Variants in CHD9 observed in about 807,000 individuals in gnomAD.
CHD9 encodes the protein ATP-dependent chromatin remodeler CHD9.
In CHD9, 77 loss-of-function variants were observed where a neutral mutation model predicts 316.1. The ratio of observed to expected loss-of-function variants is 0.24; its 90% CI spans 0.20 to 0.29. CHD9 has a LOEUF of 0.29. Ranked by LOEUF, CHD9 falls within the 10% of genes least tolerant of loss-of-function variation. The pLI, the probability that CHD9 is intolerant of heterozygous loss-of-function variation, is 1.00. For missense variants in CHD9, 2,763 were observed against 3,438.1 expected (o/e 0.80, Z 4.91); for synonymous variants, 1,129 against 1,158.3 (o/e 0.97, Z 0.51).
chr16:53,162,748 T>C (rs1053426567), intron 2 of CHD9, among the ~76,000 whole-genome samples: 4 of 151,942 alleles, frequency 2.6e-5, no homozygotes, highest in Admixed American at 6.6e-5. Context: ...AAAAAACTTG[T>C]AAAAGAAAGA....
intron 3 of CHD9, 96 bp from the exon 4 acceptor site, chr16:53,222,548 T>C (rs2047334356): frequency 1.6e-6 from 1 of 640,434 alleles, no homozygotes; most frequent in African/African-American, 1.8e-5. Context: ...GCAAGTGATA[T>C]AAAGTGGAAG....
At chr16:53,140,594 T>C (rs1367709170) in intron 1 of CHD9, among the ~76,000 whole-genome samples, 1 of 152,176 alleles carries the variant, frequency 6.6e-6, no homozygotes, top group African/African-American at 2.4e-5. Context: ...AGAGATGAGA[T>C]TGTATTTGTT....
chr16:53,100,279 A>G (rs183397169), intron 1 of CHD9, among the ~76,000 whole-genome samples: 32 of 152,292 alleles, frequency 2.1e-4, no homozygotes, highest in Middle Eastern at 6.8e-3. Flanking sequence ...TTCTTTGTGC[A>G]GTTGCTGCCT....
At chr16:53,221,492 A>G (rs1461429222) in intron 3 of CHD9, among the ~76,000 whole-genome samples, 1 of 152,200 alleles carries the variant, frequency 6.6e-6, no homozygotes, top group Non-Finnish European at 1.5e-5. Flanking sequence ...TTAAAATAGT[A>G]CGTTGCTGAT....
At chr16:53,206,723 A>G (rs1467873989) in intron 2 of CHD9, among the ~76,000 whole-genome samples, 1 of 152,074 alleles carries the variant, frequency 6.6e-6, no homozygotes, top group Non-Finnish European at 1.5e-5. Context: ...TTTAGCTCTT[A>G]TTGTCATAAT....
Position 53,273,716 on chromosome 16 carries a change from G to A in CHD9, c.4808G>A (p.Arg1603Gln), listed in dbSNP as rs772464235. 2.0e-5 allele frequency: 33 copies of A among 1,613,208 alleles called. No individual in the cohort carries two copies. The highest frequency in any genetic ancestry group is 6.6e-5 in the South Asian group (6 of 91,048). ...GATATACAAAAAGCAGAATGGCTTC[G>A]AAAATATAATCCCGAGCAGCTCCTT... Reference protein sequence around the residue: ...SFDIQKAEWLRKYNPEQLLQD... With the variant: ...SFDIQKAEWLQKYNPEQLLQD... Residue 1603 changes from arginine to glutamine, a missense_variant, in exon 23 of 39, where the codon CGA (arginine) becomes CAA (glutamine). Around this residue, in one of 15 missense-constraint regions of CHD9, gnomAD observed 99 missense variants for 131.6 expected, o/e 0.75. Coordinates refer to ENST00000447540, the MANE Select transcript of CHD9 (RefSeq NM_001308319.2).
At chr16:53,122,729 C>T (rs974089769) in intron 1 of CHD9, among the ~76,000 whole-genome samples, 1 of 151,842 alleles carries the variant, frequency 6.6e-6, no homozygotes, top group Non-Finnish European at 1.5e-5. Context: ...TTTTTTGAGA[C>T]GGAGTCTCGC....
intron 1 of CHD9, among the ~76,000 whole-genome samples, chr16:53,103,342 T>G (rs1006017677): frequency 2.0e-5 from 3 of 152,058 alleles, no homozygotes; most frequent in African/African-American, 7.2e-5. Context: ...TTAGCTTTTA[T>G]TTTTAGAACA....
At chr16:53,057,783 A>G (rs969695099) in intron 1 of CHD9, among the ~76,000 whole-genome samples, 2 of 152,224 alleles carry the variant, frequency 1.3e-5, no homozygotes, top group Admixed American at 6.5e-5. Flanking sequence ...CAACGTGCAC[A>G]TTTCCAGCCA....
At chr16:53,237,145 A>G (rs73599633) in intron 11 of CHD9, among the ~76,000 whole-genome samples, 4,917 of 152,172 alleles carry the variant, frequency 0.032, 100 homozygotes, top group Middle Eastern at 0.071. Flanking sequence ...TGTATTTTCC[A>G]TCTTGGTTAA....
intron 2 of CHD9, among the ~76,000 whole-genome samples, chr16:53,163,390 A>G (rs569752558): frequency 4.6e-5 from 7 of 152,038 alleles, no homozygotes; most frequent in Non-Finnish European, 8.8e-5. Context: ...TTGTATTTTT[A>G]GTAGAGACAA....
At chr16:53,063,951 A>T (rs1357418113) in intron 1 of CHD9, among the ~76,000 whole-genome samples, 1 of 150,100 alleles carries the variant, frequency 6.7e-6, no homozygotes, top group Non-Finnish European at 1.5e-5. Flanking sequence ...CTCCCACCTC[A>T]GCCTCCAGAG....
At position 53,231,770 on chromosome 16, in the gene CHD9, G is replaced by A. The variant is rs1343512359; in HGVS notation, c.2497G>A (p.Asp833Asn). The change falls in exon 10 of 39, where the codon GAC becomes AAC. Residue 833 changes from aspartate to asparagine, a missense_variant. Asp to Asn is a conservative substitution (Grantham distance 23, BLOSUM62 1). This residue lies in a region of CHD9 where 186 missense variants were observed against 245.0 expected (regional missense o/e 0.76). Coordinates refer to ENST00000447540, the MANE Select transcript of CHD9 (RefSeq NM_001308319.2). ...EFEQLQASRP[D>N]TRRLDRPPSN... ...TGAACAACTGCAAGCTTCAAGGCCT[G>A]ACACAAGACGTTTGGTAAGAACCTG... 1 of 1,599,494 alleles carries A rather than the reference G, an allele frequency of 6.3e-7. No homozygotes were observed. The highest frequency in any genetic ancestry group is 1.4e-5 in the African/African-American group (1 of 73,750).
chr16:53,197,482 T>A (rs1427422122), intron 2 of CHD9, among the ~76,000 whole-genome samples: 1 of 152,112 alleles, frequency 6.6e-6, no homozygotes, highest in Non-Finnish European at 1.5e-5. Flanking sequence ...TTTATATAAC[T>A]AGGAAAGTAT....
intron 2 of CHD9, among the ~76,000 whole-genome samples, chr16:53,186,357 T>G (rs1478852403): frequency 6.6e-6 from 1 of 152,204 alleles, no homozygotes; most frequent in East Asian, 1.9e-4. Context: ...GCCCCTTCGT[T>G]TTGGCCAATT....
Position 53,291,764 on chromosome 16 carries a change from G to A in CHD9, c.5287G>A (p.Gly1763Arg). 1.3e-6 allele frequency: 2 copies of A among 1,555,090 alleles called. No individual in the cohort carries two copies. Among genetic ancestry groups the A allele is most frequent in the Non-Finnish European group, 1.7e-6 (2 of 1,155,132 alleles). Residue 1763 changes from glycine (G) to arginine (R), a missense_variant, in exon 28 of 39, where the codon GGA (glycine) becomes AGA (arginine). Physicochemically the swap from Gly to Arg is moderately radical, Grantham distance 125 (BLOSUM62 -2). Coordinates refer to ENST00000447540, the MANE Select transcript of CHD9 (RefSeq NM_001308319.2). ...SSPGDLVIAD[G>R]DGQLMEGDKV... is the part of the protein sequence containing the mutation. Reference sequence around the variant, plus strand: ...ACCAGGAGATCTTGTTATAGCAGATGGAGGTAAATTGCACGTACTTCTGTA... The same window carrying A: ...ACCAGGAGATCTTGTTATAGCAGATAGAGGTAAATTGCACGTACTTCTGTA...
intron 2 of CHD9, among the ~76,000 whole-genome samples, chr16:53,177,260 C>T (rs1009368887): frequency 6.6e-6 from 1 of 152,100 alleles, no homozygotes; most frequent in African/African-American, 2.4e-5. Flanking sequence ...CTGGCCGACA[C>T]CTTAATATAT....
chr16:53,107,291 C>G (rs939969007), intron 1 of CHD9, among the ~76,000 whole-genome samples: 1 of 151,762 alleles, frequency 6.6e-6, no homozygotes, highest in South Asian at 2.1e-4. Flanking sequence ...GAAACCCCGT[C>G]TCTACTAAAA....
At chr16:53,239,836 C>A (rs1438179817) in intron 12 of CHD9, among the ~76,000 whole-genome samples, 3 of 152,094 alleles carry the variant, frequency 2.0e-5, no homozygotes, top group Non-Finnish European at 2.9e-5. Context: ...GGAAAAGAAT[C>A]AATCTATAAT....
Sources: allele counts gnomAD v4.1 joint callset (sites outside exome capture counted in the v4.1 genomes callset), GRCh38; gene constraint gnomAD v4.1.1; regional missense constraint gnomAD v4.1.1; transcripts MANE v1.5; gene names NCBI Gene and HGNC (gene_info 2026-07-23, HGNC 2026-07-21).